EIPR1: variants seen among roughly 807,000 people sequenced by gnomAD.
EIPR1 encodes EARP and GARP complex-interacting protein 1.
In EIPR1, 25 loss-of-function variants were observed where a neutral mutation model predicts 48.1. That is an observed-to-expected ratio of 0.52 (90% confidence interval 0.38 to 0.73). The LOEUF (loss-of-function observed/expected upper bound fraction) is 0.73. Ranked by LOEUF, EIPR1 falls within the 30% of genes least tolerant of loss-of-function variation. EIPR1 has a pLI of 0.00. For synonymous variants in EIPR1, 204 were observed against 201.9 expected (o/e 1.01, Z -0.09); for missense variants, 415 against 506.2 (o/e 0.82, Z 1.73).
intron 3 of EIPR1, among the ~76,000 whole-genome samples, chr2:3,269,163 G>A (rs951773832): frequency 1.3e-5 from 2 of 152,352 alleles, no homozygotes; most frequent in East Asian, 3.9e-4. Context: ...TGATCATCAA[G>A]CCTTAAGCAC....
At chr2:3,289,777 C>T (rs888148313) in intron 3 of EIPR1, among the ~76,000 whole-genome samples, 4 of 152,230 alleles carry the variant, frequency 2.6e-5, no homozygotes, top group African/African-American at 7.2e-5. Flanking sequence ...CAAAGCTGAA[C>T]GCCAGCGGCC....
At chr2:3,370,078 C>A (rs1201514932) in intron 1 of EIPR1, among the ~76,000 whole-genome samples, 2 of 152,154 alleles carry the variant, frequency 1.3e-5, no homozygotes, top group East Asian at 1.9e-4. Flanking sequence ...ATTCGCGGAT[C>A]ACGAAAATCC....
intron 3 of EIPR1, among the ~76,000 whole-genome samples, chr2:3,310,497 C>G (rs919521933): frequency 7.1e-6 from 1 of 140,452 alleles, no homozygotes; most frequent in Non-Finnish European, 1.5e-5. Context: ...ACTAAAAATA[C>G]AAAAAATTAG....
intron 3 of EIPR1, chr2:3,319,004 AAC>A (rs2103321305): frequency 2.1e-6 from 1 of 468,384 alleles, no homozygotes; most frequent in Admixed American, 2.4e-5. Context: ...TTACCCCAGC[AAC>A]AAAATAGTTG....
chr2:3,372,799 G>T (rs1372992642), intron 1 of EIPR1, among the ~76,000 whole-genome samples: 1 of 152,174 alleles, frequency 6.6e-6, no homozygotes, highest in East Asian at 1.9e-4. Flanking sequence ...TCTACCAGAG[G>T]TATAAGGAGG....
intron 8 of EIPR1, among the ~76,000 whole-genome samples, chr2:3,191,570 G>A (rs1184219048): frequency 6.6e-6 from 1 of 152,222 alleles, no homozygotes; most frequent in Non-Finnish European, 1.5e-5. Context: ...AGACCCCATC[G>A]TATCTAAGGG....
chr2:3,251,915 G>A (rs1471944562), intron 4 of EIPR1, among the ~76,000 whole-genome samples: 1 of 152,146 alleles, frequency 6.6e-6, no homozygotes, highest in Admixed American at 6.5e-5. Context: ...GAGTTCTGGG[G>A]CGAGACTTCT....
intron 1 of EIPR1, among the ~76,000 whole-genome samples, chr2:3,362,228 G>A (rs949988096): frequency 2.0e-5 from 3 of 151,078 alleles, no homozygotes; most frequent in Non-Finnish European, 4.4e-5. Flanking sequence ...CATACACACA[G>A]GGGTGAGCCC....
At chr2:3,201,487 C>T (rs538468983) in intron 5 of EIPR1, among the ~76,000 whole-genome samples, 3 of 152,140 alleles carry the variant, frequency 2.0e-5, no homozygotes, top group Non-Finnish European at 4.4e-5. Context: ...CCAGCTGGTG[C>T]GGGAGGCGGG....
intron 3 of EIPR1, among the ~76,000 whole-genome samples, chr2:3,327,288 A>G (rs1225315109): frequency 6.6e-6 from 1 of 152,036 alleles, no homozygotes; most frequent in Non-Finnish European, 1.5e-5. Context: ...GGGTCAAGCG[A>G]TTCTCCTGCC....
intron 3 of EIPR1, among the ~76,000 whole-genome samples, chr2:3,287,219 GC>G (rs1222782713): frequency 7.0e-5 from 5 of 71,892 alleles, no homozygotes; most frequent in Non-Finnish European, 1.6e-4. Context: ...GCTCCAGAAA[GC>G]TCGTTCACCA....
chr2:3,255,190 CT>C (rs11285663), intron 4 of EIPR1, among the ~76,000 whole-genome samples: 88,595 of 145,108 alleles, frequency 0.61, 26,806 homozygotes, highest in East Asian at 0.8. Flanking sequence ...TTCTTACTTT[CT>C]TTTTTTTTTT....
At chr2:3,264,244 ACT>A (rs1437923531) in intron 3 of EIPR1, among the ~76,000 whole-genome samples, 5 of 151,800 alleles carry the variant, frequency 3.3e-5, no homozygotes, top group Non-Finnish European at 4.4e-5. Context: ...GTGGTGTCTG[ACT>A]CTCTGTGCTG....
At chr2:3,192,305 C>A in intron 8 of EIPR1, 109 bp downstream of exon 8, 1 of 1,314,796 alleles carries the variant, frequency 7.6e-7, no homozygotes, top group East Asian at 2.6e-5. Context: ...AGAGTGTCCC[C>A]CAAATGCACT....
chr2:3,204,821 G>A (rs2103120731), intron 5 of EIPR1, among the ~76,000 whole-genome samples: 1 of 152,292 alleles, frequency 6.6e-6, no homozygotes, highest in South Asian at 2.1e-4. Context: ...AGAGAACACA[G>A]CACTGCGCTC....
chr2:3,195,684 T>C (rs1042953602), intron 6 of EIPR1, among the ~76,000 whole-genome samples: 4 of 152,286 alleles, frequency 2.6e-5, no homozygotes, highest in East Asian at 3.9e-4. Flanking sequence ...TACTGCATGC[T>C]CCATCACCAG....
chr2:3,274,226 A>AT, intron 3 of EIPR1: 2 of 1,475,104 alleles, frequency 1.4e-6, no homozygotes. Context: ...CAATAAACAA[A>AT]TTATCAGACT....
intron 4 of EIPR1, among the ~76,000 whole-genome samples, chr2:3,238,282 T>C (rs2103180480): frequency 6.6e-6 from 1 of 152,292 alleles, no homozygotes; most frequent in South Asian, 2.1e-4. Context: ...AACACGGCTT[T>C]CCGGAGCGCC....
At chr2:3,278,022 C>A (rs1451000729) in intron 3 of EIPR1, among the ~76,000 whole-genome samples, 1 of 152,192 alleles carries the variant, frequency 6.6e-6, no homozygotes, top group African/African-American at 2.4e-5. Context: ...TGCTCCCAGG[C>A]CTCCCTCACT....
Sources: allele counts gnomAD v4.1 joint callset (sites outside exome capture counted in the v4.1 genomes callset), GRCh38; gene constraint gnomAD v4.1.1; transcripts MANE v1.5; gene names NCBI Gene and HGNC (gene_info 2026-07-23, HGNC 2026-07-21).